Variants in HP1BP3 observed in about 807,000 individuals in gnomAD.
HP1BP3 encodes the protein heterochromatin protein 1-binding protein 3.
HP1BP3 carries 12 observed loss-of-function variants against 62.5 expected under a neutral mutation model. The ratio of observed to expected loss-of-function variants is 0.19; its 90% CI spans 0.12 to 0.31. The LOEUF is 0.31. HP1BP3 is among the 10% of genes least tolerant of loss of function. The pLI, the probability that HP1BP3 is intolerant of heterozygous loss-of-function variation, is 1.00. For synonymous variants in HP1BP3, 260 were observed against 237.8 expected, an observed-to-expected ratio of 1.09 and a Z score of -0.86; for missense variants, 502 against 651.8, an observed-to-expected ratio of 0.77 and a Z score of 2.50.
At chr1:20,780,928 A>C (rs1349873507) in intron 1 of HP1BP3, among the ~76,000 whole-genome samples, 1 of 152,230 alleles carries the variant, frequency 6.6e-6, no homozygotes, top group Non-Finnish European at 1.5e-5. Flanking sequence ...CGAAAGAGTC[A>C]GGAAAATTAA....
chr1:20,767,010 G>C (rs1393799042), intron 7 of HP1BP3, among the ~76,000 whole-genome samples: 1 of 152,038 alleles, frequency 6.6e-6, no homozygotes, highest in South Asian at 2.1e-4. Flanking sequence ...TAGTTTAAAA[G>C]ATATTTCACA....
At chr1:20,751,101 C>T (rs1016816090) in intron 9 of HP1BP3, among the ~76,000 whole-genome samples, 2 of 151,960 alleles carry the variant, frequency 1.3e-5, no homozygotes, top group Non-Finnish European at 2.9e-5. Context: ...ATAGGTGTGA[C>T]CCACTGTGGC....
intron 9 of HP1BP3, among the ~76,000 whole-genome samples, chr1:20,755,029 T>C (rs543938410): frequency 9.9e-5 from 15 of 152,178 alleles, no homozygotes; most frequent in Non-Finnish European, 1.8e-4. Flanking sequence ...AGAAAAAATC[T>C]GATGAGACTT....
chr1:20,759,866 C>T (rs1279979043), intron 8 of HP1BP3, among the ~76,000 whole-genome samples: 1 of 145,252 alleles, frequency 6.9e-6, no homozygotes, highest in Non-Finnish European at 1.5e-5. Context: ...CCTTGTGGGC[C>T]ATTTTAAAGA....
rs560017332 is a variant in HP1BP3 at position 20,741,828 on chromosome 1, T to C, written c.*2969A>G. On this transcript the variant is annotated 3_prime_UTR_variant, in exon 13 of 13. Coordinates refer to ENST00000438032, the MANE Select transcript of HP1BP3 (RefSeq NM_001372052.1). ...GATCCATGCTAGAGATTTCTGGGAT[T>C]ACCTCTGGGGTTTGTTGTTCCCCTT... Among the ~76,000 whole-genome samples the C allele has an allele frequency of 1.2e-4, 19 of 152,346 alleles. No homozygotes were observed. The highest frequency in any genetic ancestry group is 1.2e-3 in the Admixed American group (19 of 15,304).
At chr1:20,745,423 A>T in intron 12 of HP1BP3, 120 bp downstream of exon 12, 1 of 1,234,222 alleles carries the variant, frequency 8.1e-7, no homozygotes, top group Non-Finnish European at 1.1e-6. Context: ...TTATATAAAG[A>T]ACTTGAGAAG....
chr1:20,786,968 G>A (rs2057871068), intron 1 of HP1BP3, among the ~76,000 whole-genome samples: 1 of 151,998 alleles, frequency 6.6e-6, no homozygotes, highest in African/African-American at 2.4e-5. Flanking sequence ...CCCCTGAGGA[G>A]GAGTCCACCA....
chr1:20,764,279 T>TC (rs1269558058), intron 8 of HP1BP3, among the ~76,000 whole-genome samples: 1 of 152,130 alleles, frequency 6.6e-6, no homozygotes, highest in Non-Finnish European at 1.5e-5. Flanking sequence ...GTGCTGTACT[T>TC]CATTATTTAG....
intron 4 of HP1BP3, 88 bp downstream of exon 4, chr1:20,776,509 C>T: frequency 1.7e-6 from 2 of 1,181,934 alleles, no homozygotes; most frequent in East Asian, 2.4e-5. Flanking sequence ...CTAGCATAAA[C>T]CAATGTTATA....
At position 20,770,957 on chromosome 1, in the gene HP1BP3, T is replaced by A; in HGVS notation, c.627A>T (p.Arg209Ser). 1 of 1,606,152 alleles carries A rather than the reference T, an allele frequency of 6.2e-7. No homozygotes were observed. The highest frequency in any genetic ancestry group is 8.5e-7 in the Non-Finnish European group (1 of 1,177,496). The change falls in exon 6 of 13, where the codon AGA (arginine) becomes AGT (serine). Residue 209 changes from arginine to serine, a missense_variant. Transcript: ENST00000438032. Reference protein sequence around the residue: ...RGYLLKQALKRELNRGVIKQV... With the variant: ...RGYLLKQALKSELNRGVIKQV... ...GTTTGATGACTCCTCTATTTAATTC[T>A]CTTTTCAGTGCTTGTTTAAGGAGAT...
chr1:20,777,750 G>A (rs1260619340), intron 3 of HP1BP3, among the ~76,000 whole-genome samples: 2 of 152,114 alleles, frequency 1.3e-5, no homozygotes, highest in Admixed American at 6.6e-5. Context: ...GAGCCACCGC[G>A]CCCAGCTATA....
chr1:20,752,210 C>T lies in HP1BP3; in HGVS notation c.982-2328G>A, dbSNP rs373900099. Among the ~76,000 whole-genome samples, 65 of 151,744 alleles carry T rather than the reference C, an allele frequency of 4.3e-4. 1 individual carries two copies. The East Asian group carries it at 0.011, about 26-fold the overall frequency. The stretch of plus-strand genomic sequence containing the variant: ...CCGGGAGGTGGAGGTTGCAGTAAGC[C>T]GAGATCAAGCCACTGTACTCACTGC... On this transcript the variant is annotated intron_variant, in intron 9 of 12. Transcript: ENST00000438032.
At chr1:20,771,247 T>C (rs368353046) in intron 5 of HP1BP3, among the ~76,000 whole-genome samples, 174 bp from the exon 6 acceptor site, 1 of 152,200 alleles carries the variant, frequency 6.6e-6, no homozygotes, top group Admixed American at 6.6e-5. Flanking sequence ...ACAGAATTAC[T>C]AAATATTTCT....
At chr1:20,750,659 C>CTA (rs2055677930) in intron 9 of HP1BP3, among the ~76,000 whole-genome samples, 1 of 151,888 alleles carries the variant, frequency 6.6e-6, no homozygotes, top group Non-Finnish European at 1.5e-5. Flanking sequence ...TGCTGGTCCA[C>CTA]TTATATGTGG....
rs1281068298 is a variant in HP1BP3 at position 20,773,456 on chromosome 1, T to G, written c.505A>C (p.Ile169Leu). The change falls in exon 5 of 13, where the codon ATT becomes CTT. Residue 169 changes from isoleucine (I) to leucine (L), a missense_variant. Physicochemically the swap from Ile to Leu is conservative, Grantham distance 5. Transcript: ENST00000438032. ...PKMDAILTEA[I>L]KACFQKSGAS... The stretch of plus-strand genomic sequence containing the variant: ...TGCTTGAAATAAAAACTTGCCTTAA[T>G]GGCCTCAGTTAAGATTGCATCCATC... The G allele has an allele frequency of 6.3e-7, 1 of 1,593,832 alleles. No homozygotes were observed. The highest frequency in any genetic ancestry group is 8.5e-7 in the Non-Finnish European group (1 of 1,172,696).
chr1:20,760,387 AACT>A (rs1250645835), intron 8 of HP1BP3, among the ~76,000 whole-genome samples: 1 of 152,118 alleles, frequency 6.6e-6, no homozygotes, highest in Non-Finnish European at 1.5e-5. Context: ...ACAATTTAAA[AACT>A]ACTAGCTGTG....
chr1:20,746,555 C>A (rs1177295886), intron 11 of HP1BP3, among the ~76,000 whole-genome samples: 2 of 152,250 alleles, frequency 1.3e-5, no homozygotes, highest in South Asian at 4.1e-4. Flanking sequence ...AATCAAAAGG[C>A]TTTAAACCCA....
chr1:20,749,675 A>G (rs1327085786), intron 10 of HP1BP3, 48 bp downstream of exon 10: 5 of 1,554,176 alleles, frequency 3.2e-6, no homozygotes, highest in East Asian at 4.5e-5. Context: ...GGTTTTTTCA[A>G]AAGAAAATTC....
At chr1:20,752,452 T>C (rs1423428504) in intron 9 of HP1BP3, among the ~76,000 whole-genome samples, 1 of 151,608 alleles carries the variant, frequency 6.6e-6, no homozygotes, top group African/African-American at 2.4e-5. Context: ...CCACCACACC[T>C]GGCTAATTTT....
Sources: allele counts gnomAD v4.1 joint callset (sites outside exome capture counted in the v4.1 genomes callset), GRCh38; gene constraint gnomAD v4.1.1; transcripts MANE v1.5; gene names NCBI Gene and HGNC (gene_info 2026-07-23, HGNC 2026-07-21).